The following SEMA4G variants were observed in gnomAD, a reference collection of about 807,000 sequenced individuals.
The protein encoded by SEMA4G is semaphorin 4G, also known as semaphorin-4G.
A neutral mutation model predicts 81.2 loss-of-function variants in SEMA4G; 59 were observed. The observed-to-expected ratio is 0.73, with a 90% CI of 0.59 to 0.90. The LOEUF (loss-of-function observed/expected upper bound fraction) is 0.90, where lower values mean the gene tolerates loss of function less well. Among genes scored for constraint, SEMA4G ranks in the 40% least tolerant of loss-of-function variants. The probability of loss-of-function intolerance (pLI) is 0.00; values close to 1 mark genes in which losing one functional copy is unlikely to be tolerated. For synonymous variants in SEMA4G, 404 were observed against 433.9 expected, an observed-to-expected ratio of 0.93 and a Z score of 0.86; for missense variants, 952 against 1,102.3, an observed-to-expected ratio of 0.86 and a Z score of 1.93.
At chr10:100,977,570 A>C in intron 3 of SEMA4G, 62 bp from the exon 5 acceptor site, 1 of 1,332,918 alleles carries the variant, frequency 7.5e-7, no homozygotes, top group Non-Finnish European at 1.1e-6. Context: ...ACAAAGCTAG[A>C]CTAATGGAGG....
At chr10:100,971,354 C>A (rs897456763), upstream of SEMA4G, among the ~76,000 whole-genome samples, 2 of 152,196 alleles carry the variant, frequency 1.3e-5, no homozygotes, top group Non-Finnish European at 2.9e-5. Flanking sequence ...GGCCGGCTTG[C>A]CTGAAGCTTC....
At chr10:100,981,593 T>C in intron 13 of SEMA4G, 1 of 1,605,462 alleles carries the variant, frequency 6.2e-7, no homozygotes, top group African/African-American at 1.3e-5. Context: ...TATTAAGTAT[T>C]TACTGTGTGC....
In SEMA4G at chr10:100,975,054, A is replaced by G. The variant is rs543899134; in HGVS notation, c.336+1445A>G. The G allele has an allele frequency of 2.4e-5, 13 of 534,180 alleles. No individual in the cohort carries two copies. The East Asian group carries it at 6.0e-4, about 25-fold the overall frequency. The allele number at this position is 534,180 out of a possible 1,614,324, so 33.1% of individuals were successfully genotyped here. On this transcript the variant is annotated intron_variant, in intron 3 of 13. Transcript: ENST00000370250. ...AAAGGCATCTCCAAGAGCTTCCATC[A>G]AAGGCTGCCTCTTGGTGCAGCACAG...
At chr10:100,974,072 G>A (rs564361495) in intron 3 of SEMA4G, among the ~76,000 whole-genome samples, 20 of 151,494 alleles carry the variant, frequency 1.3e-4, no homozygotes, top group African/African-American at 2.7e-4. Flanking sequence ...CATTGCCCCC[G>A]GCATCTGGGC....
At chr10:100,982,451 G>A (rs1393654451) in intron 13 of SEMA4G, among the ~76,000 whole-genome samples, 1 of 152,212 alleles carries the variant, frequency 6.6e-6, no homozygotes, top group African/African-American at 2.4e-5. Flanking sequence ...GAAATCAACA[G>A]GTCTAAGATA....
exon 14 of SEMA4G, chr10:100,984,432 G>GT: frequency 6.7e-7 from 1 of 1,492,204 alleles, no homozygotes; most frequent in Non-Finnish European, 8.9e-7. Flanking sequence ...ACACTTATAG[G>GT]TGAGGACTCC....
intron 13 of SEMA4G, 62 bp downstream of exon 14, chr10:100,981,291 C>A: frequency 1.3e-6 from 2 of 1,598,506 alleles, no homozygotes; most frequent in South Asian, 2.2e-5. Flanking sequence ...CATTTACTGC[C>A]ATGTGTACGT....
At chr10:100,978,991 T>G in exon 7 of SEMA4G, 1 of 1,614,136 alleles carries the variant, frequency 6.2e-7, no homozygotes, top group South Asian at 1.1e-5. Context: ...GCAGTCACCG[T>G]GTGGCCCGTG....
At chr10:100,985,124 GC>G (rs745620184), downstream of SEMA4G, 7 of 450,288 alleles carry the variant, frequency 1.6e-5, no homozygotes, top group Non-Finnish European at 2.7e-5. Flanking sequence ...CAATGAGCCA[GC>G]CTCTCTTTTG....
chr10:100,983,925 C>T (rs1590000861), exon 14 of SEMA4G: 2 of 1,596,088 alleles, frequency 1.3e-6, no homozygotes, highest in Non-Finnish European at 1.7e-6. Flanking sequence ...CCCACCGCCC[C>T]CACCGCCACC....
intron 3 of SEMA4G, among the ~76,000 whole-genome samples, chr10:100,974,068 C>A (rs1850711592): frequency 6.6e-6 from 1 of 151,922 alleles, no homozygotes; most frequent in African/African-American, 2.4e-5. Context: ...AAGCCATTGC[C>A]CCCGGCATCT....
exon 1 of SEMA4G, chr10:100,972,805 A>G: frequency 8.0e-7 from 1 of 1,247,086 alleles, no homozygotes; most frequent in Non-Finnish European, 1.1e-6. Flanking sequence ...CTTCCAAGTG[A>G]CTTCCTTGGA....
At chr10:100,984,959 G>A, downstream of SEMA4G, 1 of 1,412,142 alleles carries the variant, frequency 7.1e-7, no homozygotes, top group Non-Finnish European at 9.3e-7. Context: ...TATCACACAT[G>A]TGCTTACATT....
chr10:100,971,171 C>T (rs1321812528), upstream of SEMA4G, among the ~76,000 whole-genome samples: 3 of 152,206 alleles, frequency 2.0e-5, no homozygotes, highest in African/African-American at 7.2e-5. Flanking sequence ...TCCTAATAGT[C>T]ACCCATGTGA....
At chr10:100,983,722 A>G (rs1851256014) in exon 14 of SEMA4G, 1 of 1,613,492 alleles carries the variant, frequency 6.2e-7, no homozygotes, top group Non-Finnish European at 8.5e-7. Flanking sequence ...TGTCTGCGGG[A>G]AGGCAGACGA....
rs373417158 is a variant in SEMA4G, at chr10:100,980,005, G to A, written c.1128+13G>A. 2 of 1,613,976 alleles carry A rather than the reference G, an allele frequency of 1.2e-6. No homozygotes were observed. The highest frequency in any genetic ancestry group is 1.1e-5 in the South Asian group (1 of 91,080). ...CCGGCCTGGCTCGGTGAGTGCCCAG[G>A]CCTGGGGCCAGTGCTGAGTAGACAG... On this transcript the variant is annotated intron_variant, in intron 9 of 13. Transcript: ENST00000370250.
At chr10:100,984,571 A>G in exon 14 of SEMA4G, 4 of 1,536,192 alleles carry the variant, frequency 2.6e-6, no homozygotes, top group Non-Finnish European at 2.6e-6. Context: ...GAAACCAGAC[A>G]AGACCTCTGC....
chr10:100,979,787 G>A (rs994362263), intron 8 of SEMA4G, 61 bp from the exon 10 acceptor site: 22 of 1,594,472 alleles, frequency 1.4e-5, no homozygotes, highest in South Asian at 5.5e-5. Context: ...GGCTGAGCAC[G>A]AGTTGGGGGG....
exon 14 of SEMA4G, chr10:100,984,356 A>G: frequency 6.9e-7 from 1 of 1,444,442 alleles, no homozygotes; most frequent in Non-Finnish European, 9.0e-7. Flanking sequence ...TGCTCCTCAG[A>G]GGTAGGTGCT....
Sources: gnomAD v4.1 joint callset for allele counts (sites outside exome capture counted in the v4.1 genomes callset) on GRCh38, gnomAD v4.1.1 for gene constraint, MANE v1.5 for transcripts, NCBI Gene and HGNC (gene_info 2026-07-23, HGNC 2026-07-21) for gene names.